The following OXR1 variants were observed in gnomAD, a reference collection of about 807,000 sequenced individuals.
OXR1 encodes oxidation resistance 1.
In OXR1, 41 loss-of-function variants were observed where a neutral mutation model predicts 104.6. That is an observed-to-expected ratio of 0.39 (90% CI 0.31 to 0.51). The LOEUF (loss-of-function observed/expected upper bound fraction) is 0.51, where lower values mean the gene tolerates loss of function less well. Among genes scored for constraint, OXR1 ranks in the 20% least tolerant of loss-of-function variants. OXR1 has a pLI of 0.77. For synonymous variants in OXR1, 348 were observed against 348.4 expected (o/e 1.00, Z 0.01); for missense variants, 955 against 1,031.9 (o/e 0.93, Z 1.02).
intron 11 of OXR1, 75 bp from the exon 12 acceptor site, chr8:106,737,440 CTTTTT>C (rs71562118): frequency 2.7e-4 from 40 of 148,024 alleles, no homozygotes; most frequent in South Asian, 7.8e-4. Context: ...AATTTCTCCT[CTTTTT>C]TTTTTTTTTT....
intron 9 of OXR1, among the ~76,000 whole-genome samples, chr8:106,710,118 G>A (rs1831547243): frequency 6.6e-6 from 1 of 152,028 alleles, no homozygotes; most frequent in Non-Finnish European, 1.5e-5. Context: ...CCAAACAGGT[G>A]GCAGAATCTA....
intron 3 of OXR1, among the ~76,000 whole-genome samples, chr8:106,574,324 T>A (rs980461976): frequency 1.2e-4 from 19 of 152,066 alleles, no homozygotes; most frequent in African/African-American, 4.3e-4. Flanking sequence ...AATATTCAAC[T>A]CCCATCTCTA....
At chr8:106,676,196 A>T (rs1326937991) in intron 3 of OXR1, among the ~76,000 whole-genome samples, 1 of 151,802 alleles carries the variant, frequency 6.6e-6, no homozygotes, top group Non-Finnish European at 1.5e-5. Context: ...TTTTGAGCCT[A>T]TGTCTGTCAT....
intron 2 of OXR1, among the ~76,000 whole-genome samples, chr8:106,462,971 T>C (rs892754506): frequency 3.3e-5 from 5 of 152,108 alleles, no homozygotes; most frequent in Non-Finnish European, 5.9e-5. Flanking sequence ...TTATTACACC[T>C]CATTGTTTAT....
chr8:106,670,439 C>T (rs1216133440), intron 3 of OXR1, among the ~76,000 whole-genome samples: 1 of 152,012 alleles, frequency 6.6e-6, no homozygotes, highest in Non-Finnish European at 1.5e-5. Flanking sequence ...AGGCACATGA[C>T]AAGATATGTG....
intron 2 of OXR1, among the ~76,000 whole-genome samples, chr8:106,506,508 G>A (rs1264469585): frequency 2.6e-5 from 4 of 152,154 alleles, no homozygotes; most frequent in African/African-American, 9.7e-5. Flanking sequence ...AGCTACTCGG[G>A]AGGCTGAGGC....
At chr8:106,333,693 C>A (rs2130236173) in intron 1 of OXR1, among the ~76,000 whole-genome samples, 1 of 152,082 alleles carries the variant, frequency 6.6e-6, no homozygotes, top group South Asian at 2.1e-4. Flanking sequence ...CTTCTTTTTG[C>A]ATGTAGATAA....
chr8:106,717,406 C>G (rs989745638), intron 11 of OXR1, among the ~76,000 whole-genome samples: 1 of 152,024 alleles, frequency 6.6e-6, no homozygotes, highest in African/African-American at 2.4e-5. Flanking sequence ...TTAGGATGAA[C>G]TTGTTATGGC....
chr8:106,635,334 G>T (rs570195628), intron 3 of OXR1, among the ~76,000 whole-genome samples: 1 of 152,300 alleles, frequency 6.6e-6, no homozygotes, highest in Admixed American at 6.5e-5. Context: ...GCATATGTGT[G>T]ATTGGCCATT....
At chr8:106,591,138 G>A (rs1325550804) in intron 3 of OXR1, among the ~76,000 whole-genome samples, 1 of 151,458 alleles carries the variant, frequency 6.6e-6, no homozygotes, top group Non-Finnish European at 1.5e-5. Flanking sequence ...TCCTTTGTAG[G>A]GACATGGATA....
chr8:106,398,456 C>G (rs776415263), intron 2 of OXR1, among the ~76,000 whole-genome samples: 4 of 152,078 alleles, frequency 2.6e-5, no homozygotes, highest in Admixed American at 2.6e-4. Context: ...GGAGAAAGAA[C>G]GAGTCAGTTG....
At chr8:106,553,608 C>A (rs1816043730) in intron 3 of OXR1, among the ~76,000 whole-genome samples, 1 of 152,136 alleles carries the variant, frequency 6.6e-6, no homozygotes, top group Non-Finnish European at 1.5e-5. Context: ...GTGTGAGCCA[C>A]CATGTCCAGC....
intron 2 of OXR1, among the ~76,000 whole-genome samples, chr8:106,389,509 T>C (rs997385173): frequency 1.3e-5 from 2 of 152,210 alleles, no homozygotes; most frequent in African/African-American, 4.8e-5. Flanking sequence ...CTTAACACTT[T>C]AAAATCCTTT....
chr8:106,680,258 G>C (rs1442155628), intron 4 of OXR1, among the ~76,000 whole-genome samples: 1 of 152,056 alleles, frequency 6.6e-6, no homozygotes, highest in African/African-American at 2.4e-5. Context: ...CTCAAATTGC[G>C]TGTGTTTGTA....
At chr8:106,431,711 C>T (rs763769339) in intron 2 of OXR1, among the ~76,000 whole-genome samples, 32 of 152,278 alleles carry the variant, frequency 2.1e-4, no homozygotes, top group Middle Eastern at 3.4e-3. Flanking sequence ...TAGGCACTCA[C>T]AGTGTATTTG....
intron 1 of OXR1, among the ~76,000 whole-genome samples, chr8:106,329,004 A>T (rs1216264156): frequency 2.1e-5 from 3 of 142,736 alleles, no homozygotes; most frequent in African/African-American, 8.7e-5. Flanking sequence ...GCTCACCATC[A>T]TTTTTTTCTG....
chr8:106,636,587 G>A (rs913023901), intron 3 of OXR1, among the ~76,000 whole-genome samples: 2 of 152,024 alleles, frequency 1.3e-5, no homozygotes, highest in Non-Finnish European at 2.9e-5. Context: ...TGAGTCAGTG[G>A]GACAGCAAAA....
intron 2 of OXR1, among the ~76,000 whole-genome samples, chr8:106,483,912 T>A (rs1451040025): frequency 6.6e-6 from 1 of 152,150 alleles, no homozygotes; most frequent in Non-Finnish European, 1.5e-5. Flanking sequence ...AATGTACATT[T>A]GATTTTGAAG....
intron 1 of OXR1, 107 bp from the exon 2 acceptor site, chr8:106,359,369 G>A (rs1816143514): frequency 2.4e-6 from 1 of 419,176 alleles, no homozygotes; most frequent in Non-Finnish European, 4.3e-6. Context: ...CATATTTTTT[G>A]TGTGTATCTT....
Sources: allele counts gnomAD v4.1 joint callset (sites outside exome capture counted in the v4.1 genomes callset), GRCh38; gene constraint gnomAD v4.1.1; transcripts MANE v1.5; gene names NCBI Gene and HGNC (gene_info 2026-07-23, HGNC 2026-07-21).